Variants in CUL2 observed in about 807,000 individuals in gnomAD.
CUL2 encodes cullin-2.
Under a neutral mutation model 110.2 loss-of-function variants are expected in CUL2, and 22 were observed. That is an observed-to-expected ratio of 0.20 (90% CI 0.14 to 0.28). The LOEUF (loss-of-function observed/expected upper bound fraction) is 0.28, where lower values mean the gene tolerates loss of function less well. Among genes scored for constraint, CUL2 ranks in the 10% least tolerant of loss-of-function variants. The pLI, the probability that CUL2 is intolerant of heterozygous loss-of-function variation, is 1.00. For synonymous variants in CUL2, 279 were observed against 293.2 expected (o/e 0.95, Z 0.49); for missense variants, 631 against 905.5 (o/e 0.70, Z 3.89).
intron 2 of CUL2, among the ~76,000 whole-genome samples, chr10:35,099,151 G>A (rs989947183): frequency 3.9e-5 from 6 of 151,928 alleles, no homozygotes; most frequent in African/African-American, 1.5e-4. Context: ...CCAGCACTTT[G>A]GGAGGCCGAG....
intron 1 of CUL2, among the ~76,000 whole-genome samples, chr10:35,087,541 G>A (rs1005927256): frequency 1.3e-5 from 2 of 151,862 alleles, no homozygotes; most frequent in African/African-American, 2.4e-5. Context: ...CTTGAACAAC[G>A]AAATCCAACT....
rs1267670071 is a variant in CUL2, at chr10:35,031,191, T to C, written c.1386+109A>G. The C allele has an allele frequency of 1.5e-6, 1 of 685,372 alleles. No individual in the cohort carries two copies. Among genetic ancestry groups the C allele is most frequent in the East Asian group, 2.6e-5 (1 of 37,994 alleles). The allele number at this position is 685,372 out of a possible 1,614,324, so 42.5% of individuals were successfully genotyped here. A position where few individuals can be genotyped will look rare whatever the true frequency, so the allele number is the denominator to read the frequency against. On this transcript the variant is annotated intron_variant, in intron 14 of 20. Transcript: ENST00000374749. This position sits in a 1 kb window ranked among gnomAD's most constrained non-coding sequence, Gnocchi z 4.4. ...CACTGTGTGACTACACAAATACACA[T>C]TTAACCAGATGAATTGTTTCCTGTT...
chr10:35,032,344 C>T (rs2085499677), intron 12 of CUL2, 91 bp downstream of exon 12: 3 of 1,141,652 alleles, frequency 2.6e-6, no homozygotes, highest in Admixed American at 2.4e-5. Flanking sequence ...CTGAAAAATG[C>T]TACAAAAACC....
chr10:35,058,333 T>C (rs2086294648), intron 4 of CUL2, among the ~76,000 whole-genome samples: 1 of 152,182 alleles, frequency 6.6e-6, no homozygotes, highest in Non-Finnish European at 1.5e-5. Context: ...ACATTATATA[T>C]TAGCCAGACC....
At chr10:35,072,464 G>A (rs932345188) in intron 1 of CUL2, among the ~76,000 whole-genome samples, 4 of 151,882 alleles carry the variant, frequency 2.6e-5, no homozygotes, top group Non-Finnish European at 5.9e-5. Flanking sequence ...CACCTCCCAG[G>A]TTCAGGTGAT....
chr10:35,107,131 T>A (rs1188691941), intron 1 of CUL2, among the ~76,000 whole-genome samples: 1 of 151,952 alleles, frequency 6.6e-6, no homozygotes, highest in East Asian at 1.9e-4. Flanking sequence ...CCCACCACCG[T>A]GCCCGGCTAA....
intron 6 of CUL2, 132 bp downstream of exon 6, chr10:35,049,551 G>C: frequency 1.8e-6 from 1 of 554,584 alleles, no homozygotes; most frequent in Non-Finnish European, 3.1e-6. Context: ...GCTGGCATTG[G>C]AAGTAAAATG....
chr10:35,115,842 G>A (rs1231931610), intron 1 of CUL2, among the ~76,000 whole-genome samples: 5 of 151,978 alleles, frequency 3.3e-5, no homozygotes, highest in Admixed American at 6.6e-5. Flanking sequence ...GAAGTGAGCC[G>A]AGATTGCGCC....
At chr10:35,126,792 T>A (rs1286206961), upstream of CUL2, 1 of 151,930 alleles carries the variant, frequency 6.6e-6, no homozygotes, top group Non-Finnish European at 1.5e-5. Context: ...TCCCTATCCC[T>A]AGGCCCCGCC....
At chr10:35,108,316 G>A (rs566438531) in intron 1 of CUL2, among the ~76,000 whole-genome samples, 1 of 151,726 alleles carries the variant, frequency 6.6e-6, no homozygotes, top group East Asian at 1.9e-4. Context: ...AATTAGTGGG[G>A]TGTTGTGGTG....
chr10:35,032,564 C>T, intron 11 of CUL2, 70 bp from the exon 12 acceptor site: 1 of 1,236,420 alleles, frequency 8.1e-7, no homozygotes, highest in Non-Finnish European at 1.1e-6. Context: ...CAATATAAGC[C>T]ATAATCTGTA....
intron 17 of CUL2, among the ~76,000 whole-genome samples, chr10:35,021,831 C>CGAGGT (rs773566667): frequency 0.025 from 1,682 of 66,196 alleles, 51 homozygotes; most frequent in Middle Eastern, 0.032. Flanking sequence ...TGAGGTGAGG[C>CGAGGT]GAGGTGAGGT....
At chr10:35,057,272 GA>G (rs2086260889) in intron 4 of CUL2, among the ~76,000 whole-genome samples, 1 of 152,096 alleles carries the variant, frequency 6.6e-6, no homozygotes, top group Non-Finnish European at 1.5e-5. Context: ...TTTCCTCACA[GA>G]ATAAAATTTA....
At chr10:35,011,479 A>G (rs767067504) in intron 20 of CUL2, among the ~76,000 whole-genome samples, 21 of 152,036 alleles carry the variant, frequency 1.4e-4, no homozygotes, top group East Asian at 7.8e-4. Context: ...TTAGCCAAGT[A>G]TGGTGGTGCA....
At chr10:35,026,443 T>C (rs1203867661) in intron 16 of CUL2, among the ~76,000 whole-genome samples, 1 of 152,218 alleles carries the variant, frequency 6.6e-6, no homozygotes, top group Admixed American at 6.5e-5. Flanking sequence ...AAAAAAACTT[T>C]CATTTTTTTC....
intron 1 of CUL2, among the ~76,000 whole-genome samples, chr10:35,115,363 C>T (rs2087581639): frequency 6.6e-6 from 1 of 150,900 alleles, no homozygotes; most frequent in African/African-American, 2.4e-5. Flanking sequence ...AATTCAAGAC[C>T]AGCCTGGCAA....
rs367644539 is a variant in CUL2, at chr10:35,033,359, T to A, written c.1003-86A>T. On this transcript the variant is annotated intron_variant, in intron 10 of 20. Transcript: ENST00000374749. The stretch of plus-strand genomic sequence containing the variant: ...GAGGTTTATTAGACTTATTAGTAAA[T>A]TTTTCCTCAAGGAAATTATGTTTCA... 3 of 888,294 alleles carry A rather than the reference T, an allele frequency of 3.4e-6. No homozygotes were observed. The African/African-American group carries it at 5.1e-5, about 15-fold the overall frequency. The allele number at this position is 888,294 out of a possible 1,614,324, so 55.0% of individuals were successfully genotyped here.
At chr10:35,061,974 TG>T (rs1404357814) in intron 3 of CUL2, among the ~76,000 whole-genome samples, 2 of 152,164 alleles carry the variant, frequency 1.3e-5, no homozygotes, top group African/African-American at 4.8e-5. Context: ...TAAATAAAAC[TG>T]TGTTGTTTTA....
chr10:35,051,532 G>A (rs1236021389), intron 5 of CUL2, among the ~76,000 whole-genome samples: 1 of 152,102 alleles, frequency 6.6e-6, no homozygotes, highest in African/African-American at 2.4e-5. Flanking sequence ...AGAATGGCGT[G>A]AACCGGCCGG....
Sources: allele counts gnomAD v4.1 joint callset (sites outside exome capture counted in the v4.1 genomes callset), GRCh38; gene constraint gnomAD v4.1.1; non-coding constraint Gnocchi (gnomAD v3.1); transcripts MANE v1.5; gene names NCBI Gene and HGNC (gene_info 2026-07-23, HGNC 2026-07-21).